The following PHF1 variants were observed in gnomAD, a reference collection of about 807,000 sequenced individuals.
PHF1 encodes PHD finger protein 1.
Under a neutral mutation model 69.4 loss-of-function variants are expected in PHF1, and 16 were observed. That is an observed-to-expected ratio of 0.23 (90% CI 0.16 to 0.35). The LOEUF (loss-of-function observed/expected upper bound fraction) is 0.35. Among genes scored for constraint, PHF1 ranks in the 10% least tolerant of loss-of-function variants. PHF1 has a pLI of 1.00. For missense variants in PHF1, 515 were observed against 732.8 expected, an observed-to-expected ratio of 0.70 and a Z score of 3.43; for synonymous variants, 274 against 275.0, an observed-to-expected ratio of 1.00 and a Z score of 0.04.
chr6:33,413,094 A>C (rs1302551301), intron 4 of PHF1, 102 bp from the exon 5 acceptor site: 9 of 1,067,792 alleles, frequency 8.4e-6, no homozygotes, highest in African/African-American at 1.5e-5. Flanking sequence ...CCCCCTCATC[A>C]AGACCATGGT....
chr6:33,412,919 C>T lies in PHF1; in HGVS notation c.337+126C>T. On this transcript the variant is annotated intron_variant, in intron 4 of 14. Transcript: ENST00000374516. This position sits in a 1 kb window ranked among gnomAD's most constrained non-coding sequence, Gnocchi z 4.2. ...CAGGCTGCTTAGCCTTATCTTAGTC[C>T]TCATCCGCTTTCAGCCCAGGGAGAA... 1 of 818,740 alleles carries T rather than the reference C, an allele frequency of 1.2e-6. No homozygotes were observed. The highest frequency in any genetic ancestry group is 2.6e-5 in the East Asian group (1 of 38,942). The allele number at this position is 818,740 out of a possible 1,614,324, so 50.7% of individuals were successfully genotyped here. A position where few individuals can be genotyped will look rare whatever the true frequency, so the allele number is the denominator to read the frequency against.
chr6:33,412,900 G>C lies in PHF1; in HGVS notation c.337+107G>C. 1.0e-6 allele frequency: 1 copy of C among 959,594 alleles called. No individual in the cohort carries two copies. The highest frequency in any genetic ancestry group is 1.7e-6 in the Non-Finnish European group (1 of 603,936). The allele number at this position is 959,594 out of a possible 1,614,324, so 59.4% of individuals were successfully genotyped here. A position where few individuals can be genotyped will look rare whatever the true frequency, so the allele number is the denominator to read the frequency against. Reference sequence around the variant, plus strand: ...CCCAAGCCACTGCTCTGGCCAGGCTGCTTAGCCTTATCTTAGTCCTCATCC... The same window carrying C: ...CCCAAGCCACTGCTCTGGCCAGGCTCCTTAGCCTTATCTTAGTCCTCATCC... On this transcript the variant is annotated intron_variant, in intron 4 of 14. Transcript: ENST00000374516. This position sits in a 1 kb window ranked among gnomAD's most constrained non-coding sequence, Gnocchi z 4.2.
At position 33,415,088 on chromosome 6, in the gene PHF1, A is replaced by T. The variant is rs764905868; in HGVS notation, c.1183A>T (p.Asn395Tyr). 1.9e-6 allele frequency: 3 copies of T among 1,613,086 alleles called. No individual in the cohort carries two copies. The highest frequency in any genetic ancestry group is 2.5e-6 in the Non-Finnish European group (3 of 1,179,474). The change falls in exon 12 of 15, where the codon AAT becomes TAT. Residue 395 changes from asparagine (N) to tyrosine (Y), a missense_variant. Asn to Tyr is a moderately radical substitution (Grantham distance 143). Around this residue, in one of 5 missense-constraint regions of PHF1, gnomAD observed 274 missense variants for 304.5 expected, o/e 0.90. Transcript: ENST00000374516. ...GCTGGGGCCACCCTCAGCAGTGCGC[A>T]ATCAGCCCGAGCCCCAGGAGCAGAG... ...EELGPPSAVR[N>Y]QPEPQEQRER...
At position 33,414,955 on chromosome 6, in the gene PHF1, C is replaced by T. The variant is rs1479297914; in HGVS notation, c.1050C>T (p.Ser350=). 6.6e-7 allele frequency: 1 copy of T among 1,525,538 alleles called. No homozygotes were observed. The highest frequency in any genetic ancestry group is 1.2e-5 in the South Asian group (1 of 80,758). 94.5% of individuals were successfully genotyped at this position (1,525,538 alleles called of 1,614,324 possible). Residue 350 remains serine, a splice_region_variant and synonymous_variant, in exon 12 of 15, where the codon AGC becomes AGT. Coordinates refer to ENST00000374516, the MANE Select transcript of PHF1 (RefSeq NM_024165.3). The surrounding 1 kb of genome is among the most constrained non-coding windows in gnomAD (Gnocchi z 5.0). ...EPPTGDGALT[S]FPSGQGPGGG... ...GGGGGGATAAGGAGGCCTCTTACAG[C>T]TTCCCTTCAGGGCAGGGCCCTGGGG...
At chr6:33,413,617 A>G (rs1776236091) in intron 6 of PHF1, 60 bp downstream of exon 6, 1 of 1,610,992 alleles carries the variant, frequency 6.2e-7, no homozygotes, top group Non-Finnish European at 8.5e-7. Context: ...ATCCCAGGAA[A>G]TGAAGGAAAA....
In PHF1 at chr6:33,414,618, G is replaced by A. The variant is rs888519125; in HGVS notation, c.944+74G>A. 3.8e-6 allele frequency: 6 copies of A among 1,565,812 alleles called. No homozygotes were observed. Among genetic ancestry groups the A allele is most frequent in the Non-Finnish European group, 5.3e-6 (6 of 1,142,630 alleles). ...AGAGTGGAAGCCTGGAAGGGGAGGG[G>A]CTTGCAACCCACCTGGAAGACTGTG... On this transcript the variant is annotated intron_variant, in intron 10 of 14. Coordinates refer to ENST00000374516, the MANE Select transcript of PHF1 (RefSeq NM_024165.3). This position sits in a 1 kb window ranked among gnomAD's most constrained non-coding sequence, Gnocchi z 5.0.
intron 6 of PHF1, 84 bp from the exon 7 acceptor site, chr6:33,413,650 CAG>C (rs922453239): frequency 2.5e-5 from 40 of 1,598,352 alleles, no homozygotes; most frequent in African/African-American, 1.2e-4. Flanking sequence ...GGGTAGCACT[CAG>C]GGGGATAGGA....
At position 33,414,006 on chromosome 6, in the gene PHF1, TGTAA is replaced by T. The variant is rs746672037; in HGVS notation, c.684-32_684-29del. ...TCCAGGGGATGGCACAGTTTTCCTG[TGTAA>T]GTGTGTTTGCTCCCTCTTGCCCATG... On this transcript the variant is annotated intron_variant, in intron 7 of 14. Coordinates refer to ENST00000374516, the MANE Select transcript of PHF1 (RefSeq NM_024165.3). This position sits in a 1 kb window ranked among gnomAD's most constrained non-coding sequence, Gnocchi z 5.0. 6.8e-6 allele frequency: 11 copies of T among 1,612,812 alleles called. No individual in the cohort carries two copies. The Admixed American group carries it at 1.8e-4, about 27-fold the overall frequency.
intron 1 of PHF1, among the ~76,000 whole-genome samples, chr6:33,411,937 TG>T (rs1311310926): frequency 6.6e-6 from 1 of 151,828 alleles, no homozygotes; most frequent in East Asian, 1.9e-4. Flanking sequence ...CTGAGGTGGG[TG>T]GATCATGAGG....
At position 33,412,641 on chromosome 6, in the gene PHF1, C is replaced by T; in HGVS notation, c.241+52C>T. 1 of 1,611,694 alleles carries T rather than the reference C, an allele frequency of 6.2e-7. No homozygotes were observed. Among genetic ancestry groups the T allele is most frequent in the Non-Finnish European group, 8.5e-7 (1 of 1,177,792 alleles). The stretch of plus-strand genomic sequence containing the variant: ...ACATCCCATGGAAAACAAACCTGGC[C>T]TAGAGGGGCAGAAAGAGACTTAAAG... On this transcript the variant is annotated intron_variant, in intron 3 of 14. Transcript: ENST00000374516. The surrounding 1 kb of genome is among the most constrained non-coding windows in gnomAD (Gnocchi z 4.2).
At position 33,415,309 on chromosome 6, in the gene PHF1, A is replaced by G. The variant is rs1287303112; in HGVS notation, c.1314A>G (p.Thr438=). The stretch of plus-strand genomic sequence containing the variant: ...GCAGCGGCTACAACTTCCGGCCCAC[A>G]GATGCCCGCTGCCTGCCCAGGTCAG... ...QGSSGYNFRP[T]DARCLPSSPI... Residue 438 remains threonine, a synonymous_variant, in exon 13 of 15, where the codon ACA becomes ACG. Coordinates refer to ENST00000374516, the MANE Select transcript of PHF1 (RefSeq NM_024165.3). The G allele has an allele frequency of 6.2e-7, 1 of 1,613,202 alleles. No homozygotes were observed. Among genetic ancestry groups the G allele is most frequent in the Non-Finnish European group, 8.5e-7 (1 of 1,179,748 alleles).
intron 12 of PHF1, 36 bp downstream of exon 12, chr6:33,415,180 T>G (rs1457715644): frequency 1.2e-6 from 2 of 1,613,238 alleles, no homozygotes; most frequent in African/African-American, 2.7e-5. Context: ...GAGCAAATGG[T>G]GGGGTGTGGG....
At chr6:33,415,425 G>A in intron 13 of PHF1, 96 bp downstream of exon 13, 1 of 1,242,740 alleles carries the variant, frequency 8.0e-7, no homozygotes, top group Non-Finnish European at 1.2e-6. Flanking sequence ...TCTCCCCCTT[G>A]GCTACCCACT....
In PHF1 at chr6:33,416,199, G is replaced by T; in HGVS notation, c.*101G>T. Reference sequence around the variant, plus strand: ...CTGGGATGTACCTGGAGAGATAGGGGGTAGTTCTCCCTACTGCCCAGGCTG... The same window carrying T: ...CTGGGATGTACCTGGAGAGATAGGGTGTAGTTCTCCCTACTGCCCAGGCTG... On this transcript the variant is annotated 3_prime_UTR_variant, in exon 15 of 15. Coordinates refer to ENST00000374516, the MANE Select transcript of PHF1 (RefSeq NM_024165.3). The T allele has an allele frequency of 6.8e-6, 7 of 1,035,198 alleles. No individual in the cohort carries two copies. The highest frequency in any genetic ancestry group is 9.5e-6 in the Non-Finnish European group (7 of 738,348). 64.1% of individuals were successfully genotyped at this position (1,035,198 alleles called of 1,614,324 possible). A position where few individuals can be genotyped will look rare whatever the true frequency, so the allele number is the denominator to read the frequency against.
chr6:33,411,219 A>C lies in PHF1; in HGVS notation c.-17+4A>C, dbSNP rs1312738455. 6.6e-6 allele frequency: 1 copy of C among 152,040 alleles called. No homozygotes were observed. The highest frequency in any genetic ancestry group is 1.5e-5 in the Non-Finnish European group (1 of 68,002). 9.4% of individuals were successfully genotyped at this position (152,040 alleles called of 1,614,324 possible). ...CCGGCGGCCCCAGCTGTCACCGGTA[A>C]GGAGGCGGCAGGAGGCGCTGGTGGG... On this transcript the variant is annotated splice_donor_region_variant and intron_variant, in intron 1 of 14. Transcript: ENST00000374516.
At chr6:33,415,768 C>T in intron 14 of PHF1, 42 bp from the exon 15 acceptor site, 2 of 1,599,718 alleles carry the variant, frequency 1.3e-6, no homozygotes, top group Non-Finnish European at 1.7e-6. Flanking sequence ...CACATGTGCT[C>T]TCCATTTCTG....
rs930025554 is a variant in PHF1, at chr6:33,414,958, C to T, written c.1053C>T (p.Phe351=). ...GGGATAAGGAGGCCTCTTACAGCTT[C>T]CCTTCAGGGCAGGGCCCTGGGGGAG... ...PPTGDGALTS[F]PSGQGPGGGV... is the part of the protein sequence containing the mutation. The change falls in exon 12 of 15, where the codon TTC becomes TTT. Residue 351 remains phenylalanine, a synonymous_variant. Transcript: ENST00000374516. The surrounding 1 kb of genome is among the most constrained non-coding windows in gnomAD (Gnocchi z 5.0). 1.3e-6 allele frequency: 2 copies of T among 1,526,638 alleles called. No individual in the cohort carries two copies. Among genetic ancestry groups the T allele is most frequent in the East Asian group, 2.4e-5 (1 of 41,146 alleles). The allele number at this position is 1,526,638 out of a possible 1,614,324, so 94.6% of individuals were successfully genotyped here.
chr6:33,411,413 A>G (rs965701076), intron 1 of PHF1, among the ~76,000 whole-genome samples, 198 bp downstream of exon 1: 1 of 151,992 alleles, frequency 6.6e-6, no homozygotes, highest in East Asian at 1.9e-4. Context: ...AAGTTGTCTA[A>G]CCCGGGGGCA....
At position 33,414,973 on chromosome 6, in the gene PHF1, C is replaced by A; in HGVS notation, c.1068C>A (p.Gly356=). The A allele has an allele frequency of 6.5e-7, 1 of 1,543,198 alleles. No individual in the cohort carries two copies. The highest frequency in any genetic ancestry group is 1.2e-5 in the South Asian group (1 of 83,340). Residue 356 remains glycine (G), a synonymous_variant, in exon 12 of 15, where the codon GGC becomes GGA. Coordinates refer to ENST00000374516, the MANE Select transcript of PHF1 (RefSeq NM_024165.3). This position sits in a 1 kb window ranked among gnomAD's most constrained non-coding sequence, Gnocchi z 5.0. ...GALTSFPSGQ[G]PGGGVSRPLG... Reference sequence around the variant, plus strand: ...CTTACAGCTTCCCTTCAGGGCAGGGCCCTGGGGGAGGGGTCTCACGTCCCC... The same window carrying A: ...CTTACAGCTTCCCTTCAGGGCAGGGACCTGGGGGAGGGGTCTCACGTCCCC...
Sources: gnomAD v4.1 joint callset for allele counts (sites outside exome capture counted in the v4.1 genomes callset) on GRCh38, gnomAD v4.1.1 for gene constraint, gnomAD v4.1.1 regional missense constraint, Gnocchi (gnomAD v3.1) non-coding constraint, MANE v1.5 for transcripts, NCBI Gene and HGNC (gene_info 2026-07-23, HGNC 2026-07-21) for gene names.